Variants in DOCK2 observed in about 807,000 individuals in gnomAD.
The protein encoded by DOCK2 is dedicator of cytokinesis 2.
DOCK2 carries 87 observed loss-of-function variants against 248.9 expected under a neutral mutation model. The ratio of observed to expected loss-of-function variants is 0.35; its 90% CI spans 0.29 to 0.42. The LOEUF is 0.42. DOCK2 is among the 10% of genes least tolerant of loss of function. DOCK2 has a pLI of 1.00. For synonymous variants in DOCK2, 805 were observed against 821.6 expected, an observed-to-expected ratio of 0.98 and a Z score of 0.35; for missense variants, 1,747 against 2,300.2, an observed-to-expected ratio of 0.76 and a Z score of 4.92.
At chr5:169,765,689 A>T (rs1187320079) in intron 25 of DOCK2, among the ~76,000 whole-genome samples, 1 of 152,198 alleles carries the variant, frequency 6.6e-6, no homozygotes, top group Non-Finnish European at 1.5e-5. Context: ...ACAGAGAGAG[A>T]TTGACAGAAA....
At chr5:169,909,094 G>C (rs978425520) in intron 27 of DOCK2, among the ~76,000 whole-genome samples, 6 of 152,196 alleles carry the variant, frequency 3.9e-5, no homozygotes, top group Admixed American at 3.9e-4. Context: ...CTGATGTGAG[G>C]AGAGTCTGTG....
intron 26 of DOCK2, among the ~76,000 whole-genome samples, chr5:169,835,973 C>A (rs1041528652): frequency 2.6e-5 from 4 of 152,314 alleles, no homozygotes; most frequent in Middle Eastern, 3.4e-3. Flanking sequence ...CCAGGCTGAT[C>A]TTGAACTCAT....
chr5:170,069,245 C>T, intron 46 of DOCK2, 25 bp downstream of exon 46: 1 of 1,610,734 alleles, frequency 6.2e-7, no homozygotes, highest in South Asian at 1.1e-5. Context: ...GCCAGGGGAG[C>T]ATGCTGCTCT....
At position 169,825,158 on chromosome 5, in the gene DOCK2, T is replaced by C. The variant is rs554767710; in HGVS notation, c.2704-15599T>C. ...AGGATGTGGAGAAATAGGAACACTT[T>C]TACACTGTTGGTGGGACTGTAAACT... On this transcript the variant is annotated intron_variant, in intron 26 of 51. Coordinates refer to ENST00000520908, the MANE Select transcript of DOCK2 (RefSeq NM_004946.3). Among the ~76,000 whole-genome samples the C allele has an allele frequency of 3.9e-3, 588 of 152,300 alleles. 3 individuals carry two copies. Among genetic ancestry groups the C allele is most frequent in the African/African-American group, 0.014 (571 of 41,552 alleles).
intron 22 of DOCK2, among the ~76,000 whole-genome samples, chr5:169,728,515 T>C (rs1762604486): frequency 1.3e-5 from 2 of 152,046 alleles, no homozygotes; most frequent in Non-Finnish European, 1.5e-5. Context: ...GGAAGGACAG[T>C]GTTTCAAGGA....
At chr5:169,938,119 G>A (rs752938599) in intron 27 of DOCK2, among the ~76,000 whole-genome samples, 4 of 152,172 alleles carry the variant, frequency 2.6e-5, no homozygotes, top group Non-Finnish European at 5.9e-5. Context: ...GGTTATACTT[G>A]CAAGACAAAA....
intron 27 of DOCK2, among the ~76,000 whole-genome samples, chr5:169,845,203 G>C (rs930471851): frequency 8.7e-5 from 13 of 148,728 alleles, no homozygotes; most frequent in African/African-American, 2.7e-4. Context: ...TCACCTGCCT[G>C]CCACTTCCAT....
At chr5:169,864,207 T>G in intron 27 of DOCK2, 2 of 1,367,776 alleles carry the variant, frequency 1.5e-6, no homozygotes, top group Non-Finnish European at 2.0e-6. Context: ...AGGCCTTAAG[T>G]GCAGTGGATT....
chr5:169,699,278 AC>A (rs1388700517), intron 11 of DOCK2, 103 bp from the exon 12 acceptor site: 2 of 1,103,986 alleles, frequency 1.8e-6, no homozygotes, highest in Non-Finnish European at 2.6e-6. Context: ...ATGCAAACTC[AC>A]TTTTCACCTG....
chr5:169,912,758 G>T (rs930578447), intron 27 of DOCK2, among the ~76,000 whole-genome samples: 7 of 152,068 alleles, frequency 4.6e-5, no homozygotes, highest in African/African-American at 1.7e-4. Flanking sequence ...GTAAAGAAAG[G>T]AGGATCAAAC....
At chr5:169,941,621 A>G (rs555100040) in intron 27 of DOCK2, among the ~76,000 whole-genome samples, 23 of 152,314 alleles carry the variant, frequency 1.5e-4, no homozygotes, top group African/African-American at 5.3e-4. Context: ...AGGAATCTGG[A>G]CTTGATTAAA....
chr5:169,943,537 C>T (rs551284928), intron 27 of DOCK2, among the ~76,000 whole-genome samples: 6 of 152,314 alleles, frequency 3.9e-5, no homozygotes, highest in East Asian at 1.9e-4. Context: ...GTCCATCCCA[C>T]GTTGATGGAG....
At chr5:169,649,816 T>C (rs946260849) in intron 1 of DOCK2, among the ~76,000 whole-genome samples, 14 of 152,196 alleles carry the variant, frequency 9.2e-5, no homozygotes, top group Middle Eastern at 3.4e-3. Context: ...TTCTTTCTTT[T>C]TTTTTTTGCC....
chr5:169,780,591 G>T (rs918759213), intron 25 of DOCK2, among the ~76,000 whole-genome samples: 2 of 152,242 alleles, frequency 1.3e-5, no homozygotes, highest in Non-Finnish European at 2.9e-5. Flanking sequence ...GATTTTCCTT[G>T]TGCTTACGTA....
At chr5:169,708,094 A>G (rs1212344849) in intron 14 of DOCK2, 75 bp from the exon 15 acceptor site, 2 of 1,515,758 alleles carry the variant, frequency 1.3e-6, no homozygotes, top group African/African-American at 2.7e-5. Flanking sequence ...GTCGTGGCCT[A>G]GGGACCAAAC....
chr5:169,752,724 A>G (rs1280463809), intron 23 of DOCK2, among the ~76,000 whole-genome samples: 1 of 152,100 alleles, frequency 6.6e-6, no homozygotes, highest in African/African-American at 2.4e-5. Context: ...TGATAATGCC[A>G]CTGCATTTCA....
intron 24 of DOCK2, 41 bp downstream of exon 24, chr5:169,759,816 G>T: frequency 4.3e-6 from 7 of 1,612,134 alleles, no homozygotes; most frequent in Non-Finnish European, 5.9e-6. Flanking sequence ...CTGCTGGCAA[G>T]CTAGGGATTC....
intron 27 of DOCK2, 24 bp downstream of exon 27, chr5:169,840,876 C>A (rs780601013): frequency 6.2e-7 from 1 of 1,608,404 alleles, no homozygotes; most frequent in South Asian, 1.1e-5. Context: ...TTCTTCTTGT[C>A]AAATGTTGCA....
At chr5:169,821,320 C>T (rs936923085) in intron 26 of DOCK2, among the ~76,000 whole-genome samples, 2 of 152,120 alleles carry the variant, frequency 1.3e-5, no homozygotes, top group Admixed American at 6.5e-5. Context: ...ATAATTGTCA[C>T]ATTCACCAAA....
Sources: allele counts gnomAD v4.1 joint callset (sites outside exome capture counted in the v4.1 genomes callset), GRCh38; gene constraint gnomAD v4.1.1; transcripts MANE v1.5; gene names NCBI Gene and HGNC (gene_info 2026-07-23, HGNC 2026-07-21).